Variants in LARGE1 observed in about 807,000 individuals in gnomAD.
LARGE1 encodes xylosyl- and glucuronyltransferase LARGE1.
A neutral mutation model predicts 87.6 loss-of-function variants in LARGE1; 43 were observed. The ratio of observed to expected loss-of-function variants is 0.49; its 90% CI spans 0.38 to 0.63. The LOEUF is 0.63. Among genes scored for constraint, LARGE1 ranks in the 30% least tolerant of loss-of-function variants. LARGE1 has a pLI of 0.00. For synonymous variants in LARGE1, 434 were observed against 394.6 expected, an observed-to-expected ratio of 1.10 and a Z score of -1.18; for missense variants, 802 against 1,000.2, an observed-to-expected ratio of 0.80 and a Z score of 2.67.
chr22:33,111,573 C>A, the LARGE1 span, among the ~76,000 whole-genome samples: 1 of 152,082 alleles, frequency 6.6e-6, no homozygotes, highest in Non-Finnish European at 1.5e-5. Flanking sequence ...ACTGACAATT[C>A]CCCCCGTCCA....
chr22:33,189,617 TG>T (rs925145261), intron 11 of LARGE1, among the ~76,000 whole-genome samples: 2 of 152,018 alleles, frequency 1.3e-5, no homozygotes, highest in African/African-American at 4.8e-5. Context: ...AATTTGTGAG[TG>T]GTTCCAATAA....
intron 11 of LARGE1, among the ~76,000 whole-genome samples, chr22:33,206,514 G>A (rs935735074): frequency 1.3e-5 from 2 of 152,110 alleles, no homozygotes; most frequent in African/African-American, 2.4e-5. Context: ...TTGCATTAGG[G>A]TTGAAACTTT....
At chr22:33,853,707 CAT>C (rs1452719696) in intron 1 of LARGE1, among the ~76,000 whole-genome samples, 1 of 152,250 alleles carries the variant, frequency 6.6e-6, no homozygotes, top group Non-Finnish European at 1.5e-5. Context: ...TCCTTTCCCA[CAT>C]GTGCTGAGTT....
At chr22:33,665,538 T>C in intron 2 of LARGE1, among the ~76,000 whole-genome samples, 1 of 152,214 alleles carries the variant, frequency 6.6e-6, no homozygotes, top group East Asian at 1.9e-4. Flanking sequence ...ATGAATGTCA[T>C]ACATTATCTT....
intron 6 of LARGE1, among the ~76,000 whole-genome samples, chr22:33,506,228 A>G (rs982601141): frequency 6.6e-6 from 1 of 152,158 alleles, no homozygotes; most frequent in African/African-American, 2.4e-5. Flanking sequence ...TTGGACTCAG[A>G]GAAAGATACA....
intron 2 of LARGE1, chr22:33,727,605 T>G (rs929187828): frequency 2.0e-5 from 3 of 152,210 alleles, no homozygotes; most frequent in Admixed American, 1.3e-4. Flanking sequence ...TAGCACAAAT[T>G]CACATTTGCT....
In LARGE1 at chr22:33,650,553, C is replaced by G; in HGVS notation, c.222G>C (p.Glu74Asp). 1 of 1,609,036 alleles carries G rather than the reference C, an allele frequency of 6.2e-7. No individual in the cohort carries two copies. Among genetic ancestry groups the G allele is most frequent in the Non-Finnish European group, 8.5e-7 (1 of 1,179,914 alleles). Residue 74 changes from glutamate to aspartate, a missense_variant, in exon 3 of 15, where the codon GAG becomes GAC. Physicochemically the swap from Glu to Asp is conservative, Grantham distance 45 (BLOSUM62 2). Around this residue, in one of 2 missense-constraint regions of LARGE1, gnomAD observed 177 missense variants for 158.3 expected, o/e 1.12. Transcript: ENST00000397394. ...GCTGCCTGCGGAGGGCGCGGTTCTCCTCCTCCACCTCGCGCATGCGCACCT... is the reference window on the plus strand; with the variant it reads ...GCTGCCTGCGGAGGGCGCGGTTCTCGTCCTCCACCTCGCGCATGCGCACCT... ...SLEVRMREVE[E>D]ENRALRRQLS...
the LARGE1 span, among the ~76,000 whole-genome samples, chr22:33,098,346 G>C: frequency 4.2e-4 from 64 of 152,156 alleles, no homozygotes; most frequent in Admixed American, 2.6e-4. Flanking sequence ...TAGGCCGGGC[G>C]CAGTGGCTCA....
At chr22:33,500,262 C>T (rs1182477022) in intron 6 of LARGE1, among the ~76,000 whole-genome samples, 3 of 152,124 alleles carry the variant, frequency 2.0e-5, no homozygotes, top group African/African-American at 7.2e-5. Context: ...GCTGCTTTGC[C>T]AACAGTTAGG....
At chr22:33,642,883 A>G (rs1365781558) in intron 3 of LARGE1, among the ~76,000 whole-genome samples, 2 of 152,136 alleles carry the variant, frequency 1.3e-5, no homozygotes, top group African/African-American at 4.8e-5. Context: ...CCAATACTGG[A>G]GCACCCAGAT....
chr22:33,783,367 A>T (rs1027211116), intron 1 of LARGE1, among the ~76,000 whole-genome samples: 1 of 152,096 alleles, frequency 6.6e-6, no homozygotes, highest in African/African-American at 2.4e-5. Context: ...GAGTTCGAGA[A>T]CAGCCTGGCC....
chr22:33,076,033 T>A, the LARGE1 span, among the ~76,000 whole-genome samples: 3 of 152,190 alleles, frequency 2.0e-5, no homozygotes, highest in African/African-American at 7.2e-5. Context: ...TCTAATGTAT[T>A]CAACAAGGTC....
At chr22:33,719,687 A>C (rs2083031955) in intron 2 of LARGE1, among the ~76,000 whole-genome samples, 1 of 151,758 alleles carries the variant, frequency 6.6e-6, no homozygotes. Flanking sequence ...CGCCTGGCTA[A>C]TTTTTTATAT....
At chr22:33,278,723 T>C (rs962981865) in intron 13 of LARGE1, among the ~76,000 whole-genome samples, 1 of 152,090 alleles carries the variant, frequency 6.6e-6, no homozygotes, top group Admixed American at 6.5e-5. Flanking sequence ...TCTCTTTTTT[T>C]ATTTTTTTAT....
chr22:33,380,836 C>T (rs1601641599), intron 9 of LARGE1, among the ~76,000 whole-genome samples: 1 of 152,172 alleles, frequency 6.6e-6, no homozygotes, highest in African/African-American at 2.4e-5. Context: ...TGTGATACAA[C>T]CTGAGAGGCA....
the LARGE1 span, among the ~76,000 whole-genome samples, chr22:33,118,929 T>C: frequency 6.6e-6 from 1 of 152,238 alleles, no homozygotes; most frequent in Non-Finnish European, 1.5e-5. Context: ...GCCTTTTGAA[T>C]CTCGTCTAAG....
chr22:33,548,155 T>C (rs1223768489), intron 6 of LARGE1, among the ~76,000 whole-genome samples: 10 of 152,172 alleles, frequency 6.6e-5, no homozygotes, highest in Non-Finnish European at 5.9e-5. Context: ...CCTTCACAAA[T>C]GGCTTACCAC....
intron 1 of LARGE1, among the ~76,000 whole-genome samples, chr22:33,782,837 C>T (rs2085466990): frequency 6.6e-6 from 1 of 150,502 alleles, no homozygotes; most frequent in African/African-American, 2.5e-5. Flanking sequence ...TGCACTCCAG[C>T]CTGGCAACAG....
chr22:33,834,579 G>C (rs1003343748), intron 1 of LARGE1, among the ~76,000 whole-genome samples: 2 of 151,722 alleles, frequency 1.3e-5, no homozygotes, highest in African/African-American at 4.8e-5. Flanking sequence ...ATCTCCCTTC[G>C]CTGACTCTCT....
Sources: allele counts gnomAD v4.1 joint callset (sites outside exome capture counted in the v4.1 genomes callset), GRCh38; gene constraint gnomAD v4.1.1; regional missense constraint gnomAD v4.1.1; transcripts MANE v1.5; gene names NCBI Gene and HGNC (gene_info 2026-07-23, HGNC 2026-07-21).